ROBO2: variants seen among roughly 807,000 people sequenced by gnomAD.
ROBO2 encodes roundabout homolog 2.
A neutral mutation model predicts 160.8 loss-of-function variants in ROBO2; 53 were observed. That is an observed-to-expected ratio of 0.33 (90% CI 0.26 to 0.41). ROBO2 has a LOEUF of 0.41. Among genes scored for constraint, ROBO2 ranks in the 10% least tolerant of loss-of-function variants. ROBO2 has a pLI of 1.00. For missense variants in ROBO2, 1,577 were observed against 1,722.4 expected, an observed-to-expected ratio of 0.92 and a Z score of 1.49; for synonymous variants, 664 against 611.7, an observed-to-expected ratio of 1.09 and a Z score of -1.26.
chr3:77,441,514 G>T (rs775058151), intron 2 of ROBO2, among the ~76,000 whole-genome samples: 26 of 151,916 alleles, frequency 1.7e-4, no homozygotes, highest in Non-Finnish European at 2.6e-4. Flanking sequence ...AAATCCTTTT[G>T]CAAGGATTGA....
intron 2 of ROBO2, among the ~76,000 whole-genome samples, chr3:76,814,750 G>A (rs141309540): frequency 3.5e-4 from 53 of 152,058 alleles, no homozygotes; most frequent in Middle Eastern, 3.4e-3. Context: ...TCATCTGGTA[G>A]CTGTCTTCAC....
intron 2 of ROBO2, among the ~76,000 whole-genome samples, chr3:77,287,897 A>G (rs2153381727): frequency 6.6e-6 from 1 of 152,322 alleles, no homozygotes; most frequent in African/African-American, 2.4e-5. Flanking sequence ...TAAAATAACC[A>G]CGTACAGATT....
intron 2 of ROBO2, among the ~76,000 whole-genome samples, chr3:76,263,027 A>T (rs1446596951): frequency 6.6e-6 from 1 of 152,172 alleles, no homozygotes; most frequent in Non-Finnish European, 1.5e-5. Flanking sequence ...ACATGCCATC[A>T]GTACCAGATA....
Position 77,508,427 on chromosome 3 carries a change from AT to A in ROBO2, c.807-14345del, listed in dbSNP as rs1311050696. 6.7e-5 allele frequency among the ~76,000 whole-genome samples: 10 copies of A among 148,226 alleles called. No homozygotes were observed. The Admixed American group carries it at 6.8e-4, about 10-fold the overall frequency. On this transcript the variant is annotated intron_variant, in intron 5 of 25. Transcript: ENST00000461745. ...AAATGTATATATTAAAGGTTTAGAGATTTCTATATATATGTGATAGTATAAG... is the reference window on the plus strand; with the variant it reads ...AAATGTATATATTAAAGGTTTAGAGATTCTATATATATGTGATAGTATAAG...
intron 2 of ROBO2, among the ~76,000 whole-genome samples, chr3:76,763,590 C>T (rs2061424590): frequency 6.6e-6 from 1 of 151,558 alleles, no homozygotes; most frequent in South Asian, 2.1e-4. Flanking sequence ...TTACATGTTT[C>T]CTCCTCTTCA....
intron 2 of ROBO2, among the ~76,000 whole-genome samples, chr3:77,190,252 A>G (rs1210811007): frequency 6.6e-6 from 1 of 151,994 alleles, no homozygotes; most frequent in Non-Finnish European, 1.5e-5. Flanking sequence ...AAAATTGGAT[A>G]GTTATCTCAA....
chr3:76,076,638 A>C (rs960982573), intron 2 of ROBO2, among the ~76,000 whole-genome samples: 5 of 152,178 alleles, frequency 3.3e-5, no homozygotes, highest in African/African-American at 1.2e-4. Flanking sequence ...CTGATGACCT[A>C]TCTTACCACA....
intron 21 of ROBO2, among the ~76,000 whole-genome samples, chr3:77,610,098 G>T (rs556833984): frequency 6.6e-6 from 1 of 151,228 alleles, no homozygotes; most frequent in Non-Finnish European, 1.5e-5. Context: ...TCCATTTTTT[G>T]ATATTCTTTA....
At position 76,855,865 on chromosome 3, in the gene ROBO2, A is replaced by C. The variant is rs541852529; in HGVS notation, c.110-242149A>C. Among the ~76,000 whole-genome samples the C allele has an allele frequency of 4.6e-5, 7 of 152,354 alleles. No individual in the cohort carries two copies. The East Asian group carries it at 1.4e-3, about 29-fold the overall frequency. On this transcript the variant is annotated intron_variant, in intron 2 of 26. Transcript: ENST00000487694. Reference sequence around the variant, plus strand: ...TTATAAAATAAGAATATTTGGTATGAGCCAGAAAAAAAATGACTAAGAATT... The same window carrying C: ...TTATAAAATAAGAATATTTGGTATGCGCCAGAAAAAAAATGACTAAGAATT...
chr3:76,492,530 C>G (rs987618647), intron 2 of ROBO2, among the ~76,000 whole-genome samples: 1 of 149,832 alleles, frequency 6.7e-6, no homozygotes, highest in South Asian at 2.1e-4. Context: ...CAAATAAGAA[C>G]TTTGACATTT....
intron 2 of ROBO2, among the ~76,000 whole-genome samples, chr3:76,889,401 A>G (rs1559657170): frequency 6.6e-6 from 1 of 152,264 alleles, no homozygotes; most frequent in South Asian, 2.1e-4. Context: ...GGGATATTAG[A>G]AAAATCATAG....
chr3:76,936,824 C>G (rs1368953031), intron 2 of ROBO2, among the ~76,000 whole-genome samples: 1 of 151,050 alleles, frequency 6.6e-6, no homozygotes, highest in South Asian at 2.1e-4. Flanking sequence ...TGCCTTTAAC[C>G]TTAGTTCCTT....
chr3:76,814,174 C>A (rs533700354), intron 2 of ROBO2, among the ~76,000 whole-genome samples: 1 of 152,068 alleles, frequency 6.6e-6, no homozygotes, highest in East Asian at 1.9e-4. Flanking sequence ...CTGATGACAG[C>A]GCAAATACAC....
intron 2 of ROBO2, among the ~76,000 whole-genome samples, chr3:77,235,501 A>G (rs1229229610): frequency 1.3e-5 from 2 of 152,182 alleles, no homozygotes; most frequent in Non-Finnish European, 2.9e-5. Flanking sequence ...TTACCTAAAC[A>G]TAAAATATGA....
chr3:75,990,484 A>G (rs555794526), intron 2 of ROBO2, among the ~76,000 whole-genome samples: 86 of 152,284 alleles, frequency 5.6e-4, no homozygotes, highest in South Asian at 1.2e-3. Context: ...TCCAGGATAG[A>G]TTGAGGTGGA....
At chr3:77,391,468 C>A (rs1351557370) in intron 2 of ROBO2, among the ~76,000 whole-genome samples, 1 of 151,942 alleles carries the variant, frequency 6.6e-6, no homozygotes, top group Non-Finnish European at 1.5e-5. Context: ...TGTAGTCCAC[C>A]TGTAGTCCAG....
intron 2 of ROBO2, among the ~76,000 whole-genome samples, chr3:76,414,343 T>C (rs1166643353): frequency 6.6e-6 from 1 of 152,144 alleles, no homozygotes; most frequent in African/African-American, 2.4e-5. Flanking sequence ...AAATTGTATG[T>C]AGCACAGTTT....
chr3:76,011,307 C>T (rs1330021614), intron 2 of ROBO2, among the ~76,000 whole-genome samples: 1 of 152,104 alleles, frequency 6.6e-6, no homozygotes, highest in Non-Finnish European at 1.5e-5. Flanking sequence ...GAGATGCTGC[C>T]AGCCCGTGAT....
At chr3:76,647,590 T>A (rs2091040424) in intron 2 of ROBO2, among the ~76,000 whole-genome samples, 1 of 152,120 alleles carries the variant, frequency 6.6e-6, no homozygotes, top group Non-Finnish European at 1.5e-5. Flanking sequence ...TAGGATGAAT[T>A]TTAATATAAC....
Sources: gnomAD v4.1 joint callset for allele counts (sites outside exome capture counted in the v4.1 genomes callset) on GRCh38, gnomAD v4.1.1 for gene constraint, MANE v1.5 for transcripts, NCBI Gene and HGNC (gene_info 2026-07-23, HGNC 2026-07-21) for gene names.